BCAR3: variants seen among roughly 807,000 people sequenced by gnomAD.
BCAR3 encodes breast cancer anti-estrogen resistance protein 3.
BCAR3 carries 37 observed loss-of-function variants against 80.1 expected under a neutral mutation model. That is an observed-to-expected ratio of 0.46 (90% confidence interval 0.36 to 0.61). The LOEUF (loss-of-function observed/expected upper bound fraction) is 0.61, where lower values mean the gene tolerates loss of function less well. BCAR3 is among the 20% of genes least tolerant of loss of function. BCAR3 has a pLI of 0.00. For missense variants in BCAR3, 978 were observed against 1,068.2 expected (o/e 0.92, Z 1.18); for synonymous variants, 389 against 418.9 (o/e 0.93, Z 0.87).
chr1:93,647,578 AGT>A (rs1267197948), intron 2 of BCAR3, among the ~76,000 whole-genome samples: 1 of 152,158 alleles, frequency 6.6e-6, no homozygotes, highest in Non-Finnish European at 1.5e-5. Flanking sequence ...TCTACGGGAC[AGT>A]GATATTCTAG....
chr1:93,567,512 T>G (rs1345489424), intron 10 of BCAR3, 21 bp from the exon 11 acceptor site: 3 of 1,609,316 alleles, frequency 1.9e-6, no homozygotes, highest in African/African-American at 1.3e-5. Context: ...AGGAGTAGAG[T>G]TTTCCATATC....
In BCAR3 at chr1:93,631,175, C is replaced by T. The variant is rs561436899; in HGVS notation, c.357+11129G>A. On this transcript the variant is annotated intron_variant, in intron 3 of 11. Coordinates refer to ENST00000260502, the MANE Select transcript of BCAR3 (RefSeq NM_003567.4). The stretch of plus-strand genomic sequence containing the variant: ...ACTCCTCGGCTTGCAGACTCATCCC[C>T]CAGTCTCTATCTGTCCTCACATGGC... 5.9e-5 allele frequency among the ~76,000 whole-genome samples: 9 copies of T among 152,298 alleles called. No homozygotes were observed. In the East Asian group the frequency reaches 1.3e-3, roughly 23 times the overall value.
At chr1:93,749,543 C>T (rs540033972) in intron 2 of BCAR3, among the ~76,000 whole-genome samples, 1 of 149,320 alleles carries the variant, frequency 6.7e-6, no homozygotes, top group South Asian at 2.1e-4. Context: ...GAGCTGAGAT[C>T]GCACCACTGC....
At position 93,580,602 on chromosome 1, in the gene BCAR3, T is replaced by C. The variant is rs571988598; in HGVS notation, c.1686+1699A>G. 3.9e-5 allele frequency among the ~76,000 whole-genome samples: 6 copies of C among 152,294 alleles called. No individual in the cohort carries two copies. In the South Asian group the frequency reaches 1.2e-3, roughly 32 times the overall value. On this transcript the variant is annotated intron_variant, in intron 7 of 11. Transcript: ENST00000260502. ...TAAATAATGCAGTATAATAGCTATT[T>C]ACAAAGCATATACGTTGTATTAGGT...
At position 93,586,693 on chromosome 1, in the gene BCAR3, C is replaced by T. The variant is rs1032008325; in HGVS notation, c.929+2284G>A. On this transcript the variant is annotated intron_variant, in intron 5 of 11. Coordinates refer to ENST00000260502, the MANE Select transcript of BCAR3 (RefSeq NM_003567.4). This position sits in a 1 kb window ranked among gnomAD's most constrained non-coding sequence, Gnocchi z 4.2. ...GTGTAGGAGGGTTCCCTTTTCCCCA[C>T]AATCCTCACCAGCATTTGTTATTAC... Among the ~76,000 whole-genome samples the T allele has an allele frequency of 6.6e-6, 1 of 152,238 alleles. No individual in the cohort carries two copies. The highest frequency in any genetic ancestry group is 2.4e-5 in the African/African-American group (1 of 41,458).
intron 2 of BCAR3, among the ~76,000 whole-genome samples, chr1:93,709,173 A>AG (rs752252116): frequency 2.6e-4 from 40 of 152,318 alleles, no homozygotes; most frequent in Admixed American, 7.8e-4. Context: ...GAGAAGAACG[A>AG]GGGGGAGTCC....
At chr1:93,812,010 C>T (rs1470963049) in intron 2 of BCAR3, among the ~76,000 whole-genome samples, 1 of 152,218 alleles carries the variant, frequency 6.6e-6, no homozygotes, top group Non-Finnish European at 1.5e-5. Flanking sequence ...CATCTGCCCA[C>T]TTGCTGCTTA....
chr1:93,674,215 T>C (rs914577644), intron 2 of BCAR3, among the ~76,000 whole-genome samples: 8 of 152,040 alleles, frequency 5.3e-5, no homozygotes, highest in East Asian at 1.9e-4. Flanking sequence ...GGCTGACAGG[T>C]GCATGGGAGT....
At position 93,791,302 on chromosome 1, in the gene BCAR3, C is replaced by G. The variant is rs886482631; in HGVS notation, c.-63+54265G>C. 1.1e-4 allele frequency among the ~76,000 whole-genome samples: 7 copies of G among 65,782 alleles called. 2 individuals carry two copies. The highest frequency in any genetic ancestry group is 7.5e-4 in the African/African-American group (7 of 9,286). The allele number at this position is 65,782 out of a possible 152,430, so 43.2% of individuals were successfully genotyped here. On this transcript the variant is annotated intron_variant, in intron 2 of 13. Coordinates refer to the BCAR3 transcript ENST00000370244. ...AAGTGTTCCTATTTCTCCACATCCT[C>G]TCCAGCACCTGTTGTTTCCTGACTT...
At chr1:93,626,489 G>A (rs988824416) in intron 3 of BCAR3, among the ~76,000 whole-genome samples, 1 of 152,114 alleles carries the variant, frequency 6.6e-6, no homozygotes, top group Non-Finnish European at 1.5e-5. Flanking sequence ...GGGGGTCTGA[G>A]AGGTCAAAAC....
At chr1:93,664,727 T>C (rs1262641814) in intron 2 of BCAR3, among the ~76,000 whole-genome samples, 3 of 152,148 alleles carry the variant, frequency 2.0e-5, no homozygotes, top group Non-Finnish European at 4.4e-5. Context: ...TTGGCAGCAG[T>C]CAGTCAAATT....
At chr1:93,781,172 G>A (rs1251874917) in intron 2 of BCAR3, among the ~76,000 whole-genome samples, 3 of 152,216 alleles carry the variant, frequency 2.0e-5, no homozygotes, top group African/African-American at 7.2e-5. Context: ...CAGAAAATAA[G>A]ACAATACAAA....
At chr1:93,616,427 T>C (rs1237702180) in intron 3 of BCAR3, among the ~76,000 whole-genome samples, 1 of 152,178 alleles carries the variant, frequency 6.6e-6, no homozygotes, top group African/African-American at 2.4e-5. Flanking sequence ...TTGTTAAGCT[T>C]TTAAACGCTG....
chr1:93,845,672 T>A (rs886405514), exon 2 of BCAR3: 1 of 152,018 alleles, frequency 6.6e-6, no homozygotes, highest in African/African-American at 2.4e-5. Flanking sequence ...CTCAGCGTTG[T>A]GTTTGCAGCG....
At chr1:93,564,035 G>A (rs1474661549) in intron 11 of BCAR3, among the ~76,000 whole-genome samples, 1 of 151,916 alleles carries the variant, frequency 6.6e-6, no homozygotes, top group Non-Finnish European at 1.5e-5. Flanking sequence ...TAGTGTGGTG[G>A]TATCTCATTG....
At chr1:93,741,181 A>G (rs1877605) in intron 2 of BCAR3, among the ~76,000 whole-genome samples, 138,752 of 152,218 alleles carry the variant, frequency 0.91, 63,453 homozygotes, top group Middle Eastern at 0.97. Context: ...GGTAGGGGTT[A>G]GTGGTTAGGC....
chr1:93,610,809 T>C (rs1467055102), intron 3 of BCAR3, among the ~76,000 whole-genome samples: 1 of 151,388 alleles, frequency 6.6e-6, no homozygotes, highest in African/African-American at 2.4e-5. Context: ...TAGCCAGGTG[T>C]GGTGGTGGGT....
intron 2 of BCAR3, among the ~76,000 whole-genome samples, chr1:93,734,742 G>A (rs1650917186): frequency 6.6e-6 from 1 of 152,146 alleles, no homozygotes; most frequent in South Asian, 2.1e-4. Flanking sequence ...GATGTTACTG[G>A]GCCAATCAGA....
chr1:93,813,752 A>C (rs1653926576), intron 2 of BCAR3, among the ~76,000 whole-genome samples: 1 of 152,240 alleles, frequency 6.6e-6, no homozygotes, highest in African/African-American at 2.4e-5. Flanking sequence ...CAATACTACT[A>C]TCTAAACCAC....
Sources: allele counts gnomAD v4.1 joint callset (sites outside exome capture counted in the v4.1 genomes callset), GRCh38; gene constraint gnomAD v4.1.1; non-coding constraint Gnocchi (gnomAD v3.1); transcripts MANE v1.5; gene names NCBI Gene and HGNC (gene_info 2026-07-23, HGNC 2026-07-21).